The following COL5A1 variants were observed in gnomAD, a reference collection of about 807,000 sequenced individuals.
COL5A1 encodes collagen type V alpha 1 chain.
COL5A1 carries 16 observed loss-of-function variants against 263.7 expected under a neutral mutation model. That is an observed-to-expected ratio of 0.06 (90% CI 0.04 to 0.09). The LOEUF (loss-of-function observed/expected upper bound fraction) is 0.09, where lower values mean the gene tolerates loss of function less well. COL5A1 is among the 10% of genes least tolerant of loss of function. The pLI is 1.00. For missense variants in COL5A1, 2,036 were observed against 2,540.5 expected, an observed-to-expected ratio of 0.80 and a Z score of 4.27; for synonymous variants, 1,012 against 1,004.5, an observed-to-expected ratio of 1.01 and a Z score of -0.14.
At chr9:134,773,189 A>G (rs1258013546) in intron 26 of COL5A1, among the ~76,000 whole-genome samples, 3 of 151,866 alleles carry the variant, frequency 2.0e-5, no homozygotes, top group Non-Finnish European at 4.4e-5. Flanking sequence ...TTTTGGGGAG[A>G]TGCTATTATG....
intron 14 of COL5A1, among the ~76,000 whole-genome samples, chr9:134,753,064 G>A (rs1388914653): frequency 1.3e-5 from 2 of 152,126 alleles, no homozygotes; most frequent in African/African-American, 4.8e-5. Flanking sequence ...TCCTTAGAGG[G>A]ATGGGGTCCT....
rs762184059 is a variant in COL5A1, at chr9:134,691,022, G to A, written c.220G>A (p.Ala74Thr). 5.6e-6 allele frequency: 9 copies of A among 1,613,626 alleles called. No individual in the cohort carries two copies. Among genetic ancestry groups the A allele is most frequent in the Middle Eastern group, 1.6e-4 (1 of 6,072 alleles). The change falls in exon 2 of 66, where the codon GCT becomes ACT. Residue 74 changes from alanine (A) to threonine (T), a missense_variant. Ala to Thr is a moderately conservative substitution (Grantham distance 58). Coordinates refer to ENST00000371817, the MANE Select transcript of COL5A1 (RefSeq NM_000093.5). ...GCGATCTTCCAAAGGCCCGGATGTC[G>A]CTTACAGAGTCACCAAAGACGCGCA... is the stretch of plus-strand genomic sequence containing the variant. ...TRRSSKGPDV[A>T]YRVTKDAQLS...
chr9:134,786,572 C>T (rs1416942489), intron 31 of COL5A1, among the ~76,000 whole-genome samples: 1 of 152,152 alleles, frequency 6.6e-6, no homozygotes, highest in Non-Finnish European at 1.5e-5. Context: ...TCAACTCTAC[C>T]TCACCGGCGA....
chr9:134,760,616 C>CAT (rs1836355878), intron 18 of COL5A1, among the ~76,000 whole-genome samples: 1 of 111,898 alleles, frequency 8.9e-6, no homozygotes, highest in South Asian at 3.3e-4. Flanking sequence ...CATGCACACA[C>CAT]ACACACCCAC....
At chr9:134,809,765 G>A (rs1451964631) in intron 43 of COL5A1, among the ~76,000 whole-genome samples, 4 of 152,110 alleles carry the variant, frequency 2.6e-5, no homozygotes, top group South Asian at 4.1e-4. Flanking sequence ...TTCATTTAAC[G>A]CAGACAGTGA....
chr9:134,729,573 CGTGTGTGA>C (rs1834798846), intron 6 of COL5A1, among the ~76,000 whole-genome samples: 4 of 48,398 alleles, frequency 8.3e-5, no homozygotes, highest in Admixed American at 8.0e-4. Context: ...TGTGTGTGAG[CGTGTGTGA>C]GCGTGTGTGC....
chr9:134,808,334 GCTGGTCAAA>G (rs1307160761), intron 42 of COL5A1, among the ~76,000 whole-genome samples: 1 of 152,148 alleles, frequency 6.6e-6, no homozygotes, highest in African/African-American at 2.4e-5. Context: ...TGATGCGATG[GCTGGTCAAA>G]CTGAGCAAAG....
intron 18 of COL5A1, among the ~76,000 whole-genome samples, chr9:134,761,314 TCCAC>T (rs1252986140): frequency 2.6e-5 from 4 of 151,406 alleles, no homozygotes; most frequent in African/African-American, 9.7e-5. Flanking sequence ...CACCCACACA[TCCAC>T]CCACACCCCA....
intron 13 of COL5A1, among the ~76,000 whole-genome samples, chr9:134,751,801 A>G: frequency 6.6e-6 from 1 of 152,322 alleles, no homozygotes; most frequent in Non-Finnish European, 1.5e-5. Flanking sequence ...ATTACAGGAC[A>G]GTGTAAGCAC....
chr9:134,683,700 T>G (rs1400476641), intron 1 of COL5A1, among the ~76,000 whole-genome samples: 1 of 152,176 alleles, frequency 6.6e-6, no homozygotes, highest in East Asian at 1.9e-4. Context: ...ATGCAAGGGC[T>G]CTGTTCCTGC....
chr9:134,750,755 C>G lies in COL5A1; in HGVS notation c.1570-35C>G, dbSNP rs767587496. ...GTGGTCTTGCCTGGGTGCCACGTCA[C>G]TGCTCCCAGAGTGACCCTTGTCTTA... On this transcript the variant is annotated intron_variant, in intron 12 of 65. Coordinates refer to ENST00000371817, the MANE Select transcript of COL5A1 (RefSeq NM_000093.5). 36 of 1,610,742 alleles carry G rather than the reference C, an allele frequency of 2.2e-5. No individual in the cohort carries two copies. In the South Asian group the frequency reaches 4.0e-4, roughly 18 times the overall value.
In COL5A1 at chr9:134,759,875, C is replaced by A. The variant is rs1291571476; in HGVS notation, c.1935+1579C>A. ...CCACACCCCCACACTCACACATGCA[C>A]ACACACCACACAGGCACACACACAC... is the stretch of plus-strand genomic sequence containing the variant. On this transcript the variant is annotated intron_variant, in intron 18 of 65. Coordinates refer to ENST00000371817, the MANE Select transcript of COL5A1 (RefSeq NM_000093.5). Among the ~76,000 whole-genome samples, 11 of 106,308 alleles carry A rather than the reference C, an allele frequency of 1.0e-4. 1 individual carries two copies. The highest frequency in any genetic ancestry group is 4.5e-4 in the African/African-American group (11 of 24,566). The allele number at this position is 106,308 out of a possible 152,430, so 69.7% of individuals were successfully genotyped here. A position where few individuals can be genotyped will look rare whatever the true frequency, so the allele number is the denominator to read the frequency against.
chr9:134,700,949 T>C lies in COL5A1; in HGVS notation c.492-222T>C, dbSNP rs1461958132. 6.6e-6 allele frequency among the ~76,000 whole-genome samples: 1 copy of C among 152,140 alleles called. No homozygotes were observed. Among genetic ancestry groups the C allele is most frequent in the Admixed American group, 6.5e-5 (1 of 15,276 alleles). ...TGGGCTTCCAGGGTTCAGACAGCCA[T>C]CCTTGTCTGAGGGACGAGGGTTCTG... On this transcript the variant is annotated intron_variant, in intron 3 of 65. Coordinates refer to ENST00000371817, the MANE Select transcript of COL5A1 (RefSeq NM_000093.5). This position sits in a 1 kb window ranked among gnomAD's most constrained non-coding sequence, Gnocchi z 4.0.
chr9:134,823,165 T>C, intron 60 of COL5A1, 132 bp downstream of exon 60: 1 of 1,184,482 alleles, frequency 8.4e-7, no homozygotes, highest in Admixed American at 1.9e-5. Flanking sequence ...CTCCCATCTT[T>C]CTACACTGAC....
intron 25 of COL5A1, 59 bp from the exon 26 acceptor site, chr9:134,772,731 C>T (rs541815073): frequency 1.5e-5 from 24 of 1,551,822 alleles, no homozygotes; most frequent in East Asian, 1.3e-4. Flanking sequence ...GGAGGGGAAG[C>T]GAGGGAGGCT....
At chr9:134,826,134 T>G (rs1028161439) in intron 63 of COL5A1, among the ~76,000 whole-genome samples, 1 of 152,248 alleles carries the variant, frequency 6.6e-6, no homozygotes, top group Non-Finnish European at 1.5e-5. Flanking sequence ...TTGGAGGGCT[T>G]TCCACCTGGC....
intron 59 of COL5A1, 100 bp downstream of exon 59, chr9:134,822,250 A>G: frequency 9.3e-7 from 1 of 1,074,308 alleles, no homozygotes; most frequent in Non-Finnish European, 1.4e-6. Context: ...TGGAAAAGTC[A>G]CACGAGAAGC....
Position 134,814,013 on chromosome 9 carries a change from C to T in COL5A1, c.3883C>T (p.Leu1295Phe). Reference sequence around the variant, plus strand: ...GCCTGGCGAAGCAGGTGAGCCTGGCCTTCCGGGAGAAGGCGGCCCCCCGGT... The same window carrying T: ...GCCTGGCGAAGCAGGTGAGCCTGGCTTTCCGGGAGAAGGCGGCCCCCCGGT... ...GEPGEAGEPG[L>F]PGEGGPPGPK... Residue 1295 changes from leucine to phenylalanine, a missense_variant, in exon 49 of 66, where the codon CTT (leucine) becomes TTT (phenylalanine). This residue lies in a region of COL5A1 where 1,078 missense variants were observed against 1,521.4 expected (regional missense o/e 0.71). Coordinates refer to ENST00000371817, the MANE Select transcript of COL5A1 (RefSeq NM_000093.5). 1 of 1,550,956 alleles carries T rather than the reference C, an allele frequency of 6.4e-7. No individual in the cohort carries two copies. Among genetic ancestry groups the T allele is most frequent in the Non-Finnish European group, 8.7e-7 (1 of 1,147,070 alleles).
chr9:134,656,313 C>G (rs978175510), intron 1 of COL5A1, among the ~76,000 whole-genome samples: 5 of 152,186 alleles, frequency 3.3e-5, no homozygotes, highest in African/African-American at 9.6e-5. Flanking sequence ...GAGCCTGTCC[C>G]TATCACCAGC....
Sources: allele counts gnomAD v4.1 joint callset (sites outside exome capture counted in the v4.1 genomes callset), GRCh38; gene constraint gnomAD v4.1.1; regional missense constraint gnomAD v4.1.1; non-coding constraint Gnocchi (gnomAD v3.1); transcripts MANE v1.5; gene names NCBI Gene and HGNC (gene_info 2026-07-23, HGNC 2026-07-21).